Variants in ANO1 observed in about 807,000 individuals in gnomAD.
ANO1 encodes anoctamin-1.
Under a neutral mutation model 124.0 loss-of-function variants are expected in ANO1, and 59 were observed. The ratio of observed to expected loss-of-function variants is 0.48; its 90% CI spans 0.39 to 0.59. The LOEUF (loss-of-function observed/expected upper bound fraction) is 0.59. Among genes scored for constraint, ANO1 ranks in the 20% least tolerant of loss-of-function variants. The probability of loss-of-function intolerance (pLI) is 0.00; values close to 1 mark genes in which losing one functional copy is unlikely to be tolerated. For missense variants in ANO1, 1,059 were observed against 1,328.0 expected, an observed-to-expected ratio of 0.80 and a Z score of 3.15; for synonymous variants, 529 against 532.0, an observed-to-expected ratio of 0.99 and a Z score of 0.08.
chr11:70,022,223 A>G (rs1856822430), intron 1 of ANO1, among the ~76,000 whole-genome samples: 1 of 152,148 alleles, frequency 6.6e-6, no homozygotes, highest in Admixed American at 6.5e-5. Flanking sequence ...CCATGAAGGT[A>G]GGGTCTTGGT....
intron 1 of ANO1, among the ~76,000 whole-genome samples, chr11:70,063,271 G>A (rs1857636990): frequency 6.6e-6 from 1 of 152,134 alleles, no homozygotes; most frequent in Non-Finnish European, 1.5e-5. Context: ...GAGCAGGGAG[G>A]GGAGGAAAGA....
At chr11:70,156,372 C>G (rs2047818038) in intron 15 of ANO1, among the ~76,000 whole-genome samples, 1 of 152,188 alleles carries the variant, frequency 6.6e-6, no homozygotes, top group Non-Finnish European at 1.5e-5. Flanking sequence ...AAATCCACCC[C>G]CATTTGAAAC....
intron 25 of ANO1, among the ~76,000 whole-genome samples, chr11:70,186,252 A>C (rs1276057418): frequency 6.6e-6 from 1 of 151,536 alleles, no homozygotes; most frequent in Admixed American, 6.6e-5. Context: ...GTGCCACTAC[A>C]CTCCAGCTTG....
rs544673286 is a variant in ANO1, at chr11:69,986,378, G to T, written c.58+212G>T. On this transcript the variant is annotated intron_variant, in intron 1 of 27. Coordinates refer to the ANO1 transcript ENST00000531349. ...GGAGGGACTGTGTCGGTCACAGGTC[G>T]CTGGGGCACTGACAGACAAACAGAC... Among the ~76,000 whole-genome samples the T allele has an allele frequency of 6.8e-4, 101 of 149,344 alleles. 1 individual carries two copies. Among genetic ancestry groups the T allele is most frequent in the Admixed American group, 5.1e-3 (76 of 14,970 alleles).
At chr11:70,089,060 C>T (rs775336488) in intron 2 of ANO1, among the ~76,000 whole-genome samples, 2 of 152,242 alleles carry the variant, frequency 1.3e-5, no homozygotes, top group Non-Finnish European at 2.9e-5. Context: ...TTCAGCGGCT[C>T]TGCTGGCTGC....
At chr11:70,152,308 C>T in intron 12 of ANO1, 142 bp from the exon 13 acceptor site, 1 of 770,244 alleles carries the variant, frequency 1.3e-6, no homozygotes. Flanking sequence ...GCACTCCAGC[C>T]TGCTCAATAG....
At chr11:70,115,528 A>G (rs1446773948) in intron 7 of ANO1, among the ~76,000 whole-genome samples, 1 of 152,110 alleles carries the variant, frequency 6.6e-6, no homozygotes, top group Non-Finnish European at 1.5e-5. Context: ...CAGGAGAATC[A>G]CTTGAACCTG....
chr11:70,000,747 C>A (rs1554999134), intron 1 of ANO1, among the ~76,000 whole-genome samples: 2 of 152,068 alleles, frequency 1.3e-5, no homozygotes, highest in Admixed American at 1.3e-4. Context: ...ACTGGAAGCT[C>A]CTGCAGAGAC....
At chr11:70,184,082 G>A (rs973570789) in intron 24 of ANO1, among the ~76,000 whole-genome samples, 5 of 152,200 alleles carry the variant, frequency 3.3e-5, no homozygotes, top group African/African-American at 1.2e-4. Context: ...CTGACCTCAG[G>A]TTTTAGTGAC....
intron 1 of ANO1, among the ~76,000 whole-genome samples, chr11:70,022,905 G>A (rs937110085): frequency 9.2e-5 from 14 of 152,188 alleles, no homozygotes; most frequent in Non-Finnish European, 1.9e-4. Context: ...ATAAGTAAGA[G>A]GAGGCAGGGG....
intron 1 of ANO1, among the ~76,000 whole-genome samples, chr11:70,008,842 C>G (rs1856541454): frequency 6.6e-6 from 1 of 152,182 alleles, no homozygotes; most frequent in South Asian, 2.1e-4. Flanking sequence ...AAGGCCGGCT[C>G]TCCCTTCCCT....
Position 70,048,952 on chromosome 11 carries a change from C to CTG in ANO1, c.59-29580_59-29579dup, listed in dbSNP as rs541561432. 3.2e-3 allele frequency among the ~76,000 whole-genome samples: 484 copies of CTG among 152,148 alleles called. 3 individuals are homozygous for CTG. The highest frequency in any genetic ancestry group is 0.011 in the African/African-American group (457 of 41,518). ...AGGGCCACGCCTGGTGTCTTTGGATCTGTGTGTGTGTCCTGTGAACAACTG... is the reference window on the plus strand; with the variant it reads ...AGGGCCACGCCTGGTGTCTTTGGATCTGTGTGTGTGTGTCCTGTGAACAACTG... On this transcript the variant is annotated intron_variant, in intron 1 of 27. Transcript: ENST00000531349.
chr11:70,135,925 G>A (rs1047039015), intron 11 of ANO1, among the ~76,000 whole-genome samples: 1 of 152,232 alleles, frequency 6.6e-6, no homozygotes, highest in African/African-American at 2.4e-5. Context: ...CTGAGTGCCA[G>A]AGCATCACCC....
At chr11:70,185,057 G>T (rs1303137266) in intron 24 of ANO1, among the ~76,000 whole-genome samples, 1 of 152,170 alleles carries the variant, frequency 6.6e-6, no homozygotes, top group Non-Finnish European at 1.5e-5. Context: ...TTCTTTGGTA[G>T]ATTCCCTCAA....
intron 1 of ANO1, among the ~76,000 whole-genome samples, chr11:70,067,424 T>C (rs938686512): frequency 6.6e-5 from 10 of 151,202 alleles, no homozygotes; most frequent in Non-Finnish European, 1.0e-4. Flanking sequence ...ACCCCCTAGG[T>C]TTAAGCAATT....
At chr11:70,108,675 C>T (rs1377259820) in intron 6 of ANO1, among the ~76,000 whole-genome samples, 1 of 152,164 alleles carries the variant, frequency 6.6e-6, no homozygotes, top group Admixed American at 6.5e-5. Flanking sequence ...GTGGTAAATC[C>T]AGGCTGGAAA....
intron 24 of ANO1, among the ~76,000 whole-genome samples, chr11:70,184,648 C>A (rs1295576117): frequency 6.6e-6 from 1 of 152,222 alleles, no homozygotes; most frequent in Non-Finnish European, 1.5e-5. Flanking sequence ...CCTGCACCAG[C>A]GGAATGCTTA....
intron 1 of ANO1, among the ~76,000 whole-genome samples, chr11:70,008,096 A>C (rs1210100364): frequency 2.8e-5 from 4 of 144,316 alleles, no homozygotes; most frequent in African/African-American, 1.1e-4. Context: ...CTCATTTTAA[A>C]ATCAGAGTAT....
At chr11:70,006,054 C>T (rs370482603) in intron 1 of ANO1, among the ~76,000 whole-genome samples, 1 of 152,292 alleles carries the variant, frequency 6.6e-6, no homozygotes, top group South Asian at 2.1e-4. Flanking sequence ...CCAATGACCA[C>T]GTTTGTGGGA....
Sources: allele counts gnomAD v4.1 joint callset (sites outside exome capture counted in the v4.1 genomes callset), GRCh38; gene constraint gnomAD v4.1.1; transcripts MANE v1.5; gene names NCBI Gene and HGNC (gene_info 2026-07-23, HGNC 2026-07-21).